Variants in MCC observed in about 807,000 individuals in gnomAD.
The protein encoded by MCC is colorectal mutant cancer protein.
Under a neutral mutation model 116.2 loss-of-function variants are expected in MCC, and 90 were observed. That is an observed-to-expected ratio of 0.77 (90% CI 0.65 to 0.92). The LOEUF (loss-of-function observed/expected upper bound fraction) is 0.92, where lower values mean the gene tolerates loss of function less well. Among genes scored for constraint, MCC ranks in the 40% least tolerant of loss-of-function variants. The pLI is 0.00. For synonymous variants in MCC, 578 were observed against 510.5 expected, an observed-to-expected ratio of 1.13 and a Z score of -1.78; for missense variants, 1,516 against 1,312.2, an observed-to-expected ratio of 1.16 and a Z score of -2.40.
intron 1 of MCC, among the ~76,000 whole-genome samples, chr5:113,417,378 C>A (rs1360162702): frequency 2.0e-5 from 3 of 152,206 alleles, no homozygotes; most frequent in African/African-American, 7.2e-5. Flanking sequence ...TAAAGCAGAG[C>A]TGCTTGTTAC....
intron 3 of MCC, among the ~76,000 whole-genome samples, chr5:113,185,891 C>A (rs1001255955): frequency 1.3e-5 from 2 of 152,052 alleles, no homozygotes; most frequent in African/African-American, 2.4e-5. Context: ...GAGGAGGTCA[C>A]CCCTCCTTCA....
chr5:113,445,210 T>A (rs1771175364), intron 1 of MCC, among the ~76,000 whole-genome samples: 2 of 152,048 alleles, frequency 1.3e-5, no homozygotes, highest in South Asian at 4.1e-4. Context: ...TTTGGGAACA[T>A]CATATACTTA....
At chr5:113,277,773 C>A (rs938382444) in intron 3 of MCC, among the ~76,000 whole-genome samples, 6 of 152,190 alleles carry the variant, frequency 3.9e-5, no homozygotes, top group Non-Finnish European at 7.3e-5. Context: ...ATATTGGCAT[C>A]TACTGTGGAG....
At chr5:113,166,736 A>T (rs368838463) in intron 3 of MCC, among the ~76,000 whole-genome samples, 1 of 151,268 alleles carries the variant, frequency 6.6e-6, no homozygotes, top group African/African-American at 2.4e-5. Context: ...CCAAAAAACC[A>T]AAAAAACAAA....
At chr5:113,293,897 T>C (rs936449339) in intron 3 of MCC, among the ~76,000 whole-genome samples, 2 of 152,016 alleles carry the variant, frequency 1.3e-5, no homozygotes, top group East Asian at 3.9e-4. Context: ...GGAGATGAAA[T>C]AATCCAATGC....
rs565731170 is a variant in MCC at position 113,053,557 on chromosome 5, C to G, written c.2448+168G>C. Among the ~76,000 whole-genome samples the G allele has an allele frequency of 2.0e-5, 3 of 152,266 alleles. No homozygotes were observed. In the South Asian group the frequency reaches 6.2e-4, roughly 32 times the overall value. The stretch of plus-strand genomic sequence containing the variant: ...ACTCCCCTGTCCAGAAACACGCAGC[C>G]CAAGTGACCCCCAGACATAGTGAAA... On this transcript the variant is annotated intron_variant, in intron 15 of 18. Transcript: ENST00000408903.
intron 3 of MCC, among the ~76,000 whole-genome samples, chr5:113,180,616 G>A (rs564222111): frequency 4.5e-4 from 69 of 152,268 alleles, no homozygotes; most frequent in African/African-American, 1.6e-3. Flanking sequence ...ACTGACATGA[G>A]AGAAGTTTAT....
intron 3 of MCC, among the ~76,000 whole-genome samples, chr5:113,262,897 T>C (rs1033654749): frequency 2.6e-5 from 4 of 152,080 alleles, no homozygotes; most frequent in Non-Finnish European, 1.5e-5. Context: ...CTAACCACAT[T>C]AGCCTCAGCA....
At chr5:113,400,591 GTC>G (rs1452147328) in intron 1 of MCC, among the ~76,000 whole-genome samples, 2 of 152,166 alleles carry the variant, frequency 1.3e-5, no homozygotes, top group Non-Finnish European at 2.9e-5. Flanking sequence ...CTCAAAAGCA[GTC>G]TCTGCCATTC....
chr5:113,413,197 A>G (rs1037279215), intron 1 of MCC, among the ~76,000 whole-genome samples: 3 of 151,992 alleles, frequency 2.0e-5, no homozygotes, highest in Non-Finnish European at 4.4e-5. Flanking sequence ...GGATTTTTGC[A>G]TCGATGTTCA....
chr5:113,132,423 C>CACACACATATATATAT (rs1561384956), intron 5 of MCC, among the ~76,000 whole-genome samples: 1 of 130,190 alleles, frequency 7.7e-6, no homozygotes, highest in African/African-American at 3.2e-5. Flanking sequence ...TATATACACA[C>CACACACATATATATAT]ATACATATAT....
intron 17 of MCC, among the ~76,000 whole-genome samples, chr5:113,034,496 G>A (rs927979605): frequency 6.6e-6 from 1 of 152,198 alleles, no homozygotes; most frequent in Non-Finnish European, 1.5e-5. Context: ...GGAGTCATCG[G>A]GCGAGAGCCC....
At chr5:113,447,239 A>G (rs1396307765) in intron 1 of MCC, among the ~76,000 whole-genome samples, 1 of 152,200 alleles carries the variant, frequency 6.6e-6, no homozygotes, top group Non-Finnish European at 1.5e-5. Flanking sequence ...TTTCAAATGT[A>G]AGTCCTGCAT....
intron 1 of MCC, among the ~76,000 whole-genome samples, chr5:113,482,370 G>C (rs951116498): frequency 1.3e-5 from 2 of 152,114 alleles, no homozygotes; most frequent in African/African-American, 4.8e-5. Context: ...ATTTCACATT[G>C]CTATCGGCAA....
intron 1 of MCC, among the ~76,000 whole-genome samples, chr5:113,427,058 G>T (rs74460661): frequency 0.013 from 1,906 of 152,174 alleles, 16 homozygotes; most frequent in Non-Finnish European, 0.019. Flanking sequence ...CTATCCCTAT[G>T]TTGCAGGTGG....
rs1422366763 is a variant in MCC, at chr5:113,118,787, A to G, written c.1027+3897T>C. Among the ~76,000 whole-genome samples the G allele has an allele frequency of 2.0e-5, 3 of 152,236 alleles. No individual in the cohort carries two copies. The East Asian group carries it at 5.8e-4, about 29-fold the overall frequency. On this transcript the variant is annotated intron_variant, in intron 6 of 18. Coordinates refer to ENST00000408903, the MANE Select transcript of MCC (RefSeq NM_001085377.2). ...GGCGAAGGAATAAGAAGAGGGAGAC[A>G]GCCAGTTCCGATGAACAAACACACT... is the stretch of plus-strand genomic sequence containing the variant.
intron 3 of MCC, among the ~76,000 whole-genome samples, chr5:113,191,612 G>A (rs575453684): frequency 1.3e-5 from 2 of 152,330 alleles, no homozygotes; most frequent in East Asian, 1.9e-4. Flanking sequence ...TGCAGGCAGA[G>A]GTTTCCTCGC....
chr5:113,316,192 G>T (rs1031157343), intron 3 of MCC, among the ~76,000 whole-genome samples: 7 of 151,270 alleles, frequency 4.6e-5, no homozygotes, highest in Admixed American at 6.6e-5. Flanking sequence ...GGAGGCAGAG[G>T]TTGCAGTGAG....
intron 1 of MCC, among the ~76,000 whole-genome samples, chr5:113,446,222 C>T (rs1464752264): frequency 1.3e-5 from 2 of 152,008 alleles, no homozygotes; most frequent in Non-Finnish European, 2.9e-5. Context: ...TTCTCAATAG[C>T]AATTACAACA....
Sources: allele counts gnomAD v4.1 joint callset (sites outside exome capture counted in the v4.1 genomes callset), GRCh38; gene constraint gnomAD v4.1.1; transcripts MANE v1.5; gene names NCBI Gene and HGNC (gene_info 2026-07-23, HGNC 2026-07-21).